The following SORBS2 variants were observed in gnomAD, a reference collection of about 807,000 sequenced individuals.
SORBS2 encodes the protein sorbin and SH3 domain containing 2.
A neutral mutation model predicts 97.7 loss-of-function variants in SORBS2; 46 were observed. That is an observed-to-expected ratio of 0.47 (90% confidence interval 0.37 to 0.60). The LOEUF is 0.60. Ranked by LOEUF, SORBS2 falls within the 20% of genes least tolerant of loss-of-function variation. The pLI, the probability that SORBS2 is intolerant of heterozygous loss-of-function variation, is 0.00. For synonymous variants in SORBS2, 476 were observed against 473.4 expected (o/e 1.01, Z -0.07); for missense variants, 1,316 against 1,282.3 (o/e 1.03, Z -0.40).
chr4:185,646,094 G>A (rs191483861), intron 4 of SORBS2: 1 of 152,264 alleles, frequency 6.6e-6, no homozygotes, highest in Non-Finnish European at 1.5e-5. Flanking sequence ...TTAATAAGAA[G>A]CAATTAAAAC....
chr4:185,619,252 G>A (rs1384942098), intron 8 of SORBS2, among the ~76,000 whole-genome samples: 2 of 152,028 alleles, frequency 1.3e-5, no homozygotes, highest in African/African-American at 4.8e-5. Flanking sequence ...TCAAACTCTG[G>A]GGGCCACAGA....
At chr4:185,854,878 T>A (rs146849530) in intron 1 of SORBS2, among the ~76,000 whole-genome samples, 1 of 152,240 alleles carries the variant, frequency 6.6e-6, no homozygotes, top group Non-Finnish European at 1.5e-5. Context: ...ATCCTTGCCC[T>A]TGAGTGCTGT....
chr4:185,865,874 CA>C (rs35986210), intron 1 of SORBS2, among the ~76,000 whole-genome samples: 58,958 of 151,868 alleles, frequency 0.39, 12,056 homozygotes, highest in Middle Eastern at 0.46. Flanking sequence ...TTATCTTACA[CA>C]AGGTGCTGAG....
At chr4:185,758,477 C>G (rs145336372) in intron 2 of SORBS2, among the ~76,000 whole-genome samples, 1 of 152,242 alleles carries the variant, frequency 6.6e-6, no homozygotes, top group African/African-American at 2.4e-5. Context: ...AGGTTTTTAG[C>G]CTTGAAGTTT....
At chr4:185,927,822 C>T (rs576542677) in intron 1 of SORBS2, among the ~76,000 whole-genome samples, 4 of 152,092 alleles carry the variant, frequency 2.6e-5, no homozygotes, top group South Asian at 4.1e-4. Flanking sequence ...TTTTCAAAGC[C>T]CTTATAGGTA....
At chr4:185,868,159 C>CTTTTTTTTTTTTTTTTTTTTTTT (rs112680775) in intron 1 of SORBS2, among the ~76,000 whole-genome samples, 34 of 105,204 alleles carry the variant, frequency 3.2e-4, no homozygotes, top group African/African-American at 7.8e-4. Flanking sequence ...TTTTTTCTTT[C>CTTTTTTTTTTTTTTTTTTTTTTT]TTTTTTTTTT....
At chr4:185,699,180 G>A (rs1446239279) in intron 2 of SORBS2, among the ~76,000 whole-genome samples, 1 of 151,764 alleles carries the variant, frequency 6.6e-6, no homozygotes, top group Admixed American at 6.6e-5. Context: ...TTGCTATGTG[G>A]AATTTAAATT....
intron 2 of SORBS2, among the ~76,000 whole-genome samples, chr4:185,686,807 G>A (rs1420901384): frequency 1.3e-5 from 2 of 152,238 alleles, no homozygotes; most frequent in African/African-American, 4.8e-5. Flanking sequence ...TGTTCAAACT[G>A]TGGGCTGCGA....
At chr4:185,707,084 A>C (rs1453502049) in intron 2 of SORBS2, among the ~76,000 whole-genome samples, 1 of 152,232 alleles carries the variant, frequency 6.6e-6, no homozygotes, top group Non-Finnish European at 1.5e-5. Context: ...CTGATCTAAG[A>C]ATATTTACAG....
intron 1 of SORBS2, among the ~76,000 whole-genome samples, chr4:185,785,216 G>A (rs1032444043): frequency 1.3e-4 from 7 of 52,312 alleles, no homozygotes; most frequent in African/African-American, 1.9e-4. Context: ...GACTTTGAGC[G>A]TTTAAAAAAA....
At chr4:185,923,818 A>G (rs1459794312) in intron 1 of SORBS2, among the ~76,000 whole-genome samples, 1 of 152,208 alleles carries the variant, frequency 6.6e-6, no homozygotes, top group Non-Finnish European at 1.5e-5. Context: ...ACATTTAAAA[A>G]AAAATTCTGA....
chr4:185,849,438 G>A (rs2099216508), intron 1 of SORBS2, among the ~76,000 whole-genome samples: 2 of 149,942 alleles, frequency 1.3e-5, no homozygotes, highest in African/African-American at 4.9e-5. Context: ...CACAAACTGG[G>A]TTAGATTGTC....
intron 1 of SORBS2, among the ~76,000 whole-genome samples, chr4:185,900,803 G>C (rs904032631): frequency 6.6e-6 from 1 of 152,154 alleles, no homozygotes; most frequent in African/African-American, 2.4e-5. Context: ...GAGAGAGAGA[G>C]AGACAGAGAG....
intron 12 of SORBS2, among the ~76,000 whole-genome samples, chr4:185,609,055 G>A (rs1214236661): frequency 1.3e-5 from 2 of 151,520 alleles, no homozygotes; most frequent in African/African-American, 2.4e-5. Context: ...AAACTCATGT[G>A]AGCATCTTAA....
intron 4 of SORBS2, among the ~76,000 whole-genome samples, chr4:185,644,952 G>T (rs2097184045): frequency 6.6e-6 from 1 of 152,154 alleles, no homozygotes; most frequent in South Asian, 2.1e-4. Context: ...CACAAACTCA[G>T]ATCTAGTCTT....
intron 2 of SORBS2, among the ~76,000 whole-genome samples, chr4:185,769,288 A>T: frequency 6.6e-6 from 1 of 152,188 alleles, no homozygotes; most frequent in East Asian, 1.9e-4. Context: ...GTAATTTTAT[A>T]CAGCGTTTTT....
At position 185,606,797 on chromosome 4, in the gene SORBS2, C is replaced by T; in HGVS notation, c.2796+4983G>A. 3.0e-6 allele frequency: 3 copies of T among 985,386 alleles called. No homozygotes were observed. Among genetic ancestry groups the T allele is most frequent in the Non-Finnish European group, 3.6e-6 (3 of 829,934 alleles). The allele number at this position is 985,386 out of a possible 1,614,324, so 61.0% of individuals were successfully genotyped here. A position where few individuals can be genotyped will look rare whatever the true frequency, so the allele number is the denominator to read the frequency against. On this transcript the variant is annotated intron_variant, in intron 12 of 14. Transcript: ENST00000418609. This position sits in a 1 kb window ranked among gnomAD's most constrained non-coding sequence, Gnocchi z 4.3. Reference sequence around the variant, plus strand: ...CCTCTCTGGATGCCTGACACAATCCCCTCATAGATGCCCTCATCTTCCTCT... The same window carrying T: ...CCTCTCTGGATGCCTGACACAATCCTCTCATAGATGCCCTCATCTTCCTCT...
At chr4:185,691,180 G>T (rs1017145226) in intron 2 of SORBS2, among the ~76,000 whole-genome samples, 1 of 152,038 alleles carries the variant, frequency 6.6e-6, no homozygotes, top group Non-Finnish European at 1.5e-5. Flanking sequence ...GATTACAGGC[G>T]TGAGCCACCG....
At chr4:185,939,700 G>T (rs374485112) in intron 1 of SORBS2, among the ~76,000 whole-genome samples, 9 of 152,208 alleles carry the variant, frequency 5.9e-5, no homozygotes, top group African/African-American at 2.2e-4. Flanking sequence ...AGTAGACAGG[G>T]TTTCTCCTAA....
Sources: gnomAD v4.1 joint callset for allele counts (sites outside exome capture counted in the v4.1 genomes callset) on GRCh38, gnomAD v4.1.1 for gene constraint, Gnocchi (gnomAD v3.1) non-coding constraint, MANE v1.5 for transcripts, NCBI Gene and HGNC (gene_info 2026-07-23, HGNC 2026-07-21) for gene names.